The following TMEM132B variants were observed in gnomAD, a reference collection of about 807,000 sequenced individuals.
TMEM132B encodes transmembrane protein 132B.
A neutral mutation model predicts 90.8 loss-of-function variants in TMEM132B; 18 were observed. The ratio of observed to expected loss-of-function variants is 0.20; its 90% confidence interval spans 0.14 to 0.29. The LOEUF is 0.29. TMEM132B is among the 10% of genes least tolerant of loss of function. The pLI, the probability that TMEM132B is intolerant of heterozygous loss-of-function variation, is 1.00. For missense variants in TMEM132B, 1,096 were observed against 1,326.8 expected, an observed-to-expected ratio of 0.83 and a Z score of 2.70; for synonymous variants, 504 against 523.3, an observed-to-expected ratio of 0.96 and a Z score of 0.50.
At chr12:125,347,903 G>A (rs1877413655) in intron 1 of TMEM132B, among the ~76,000 whole-genome samples, 1 of 152,180 alleles carries the variant, frequency 6.6e-6, no homozygotes, top group Non-Finnish European at 1.5e-5. Context: ...TTATGTATAT[G>A]TGCTGTGTGT....
chr12:125,192,570 C>T lies in TMEM132B; in HGVS notation c.67+5704C>T, dbSNP rs148444626. Among the ~76,000 whole-genome samples, 1,136 of 152,274 alleles carry T rather than the reference C, an allele frequency of 7.5e-3. 18 individuals are homozygous for T. The highest frequency in any genetic ancestry group is 0.026 in the African/African-American group (1,063 of 41,538). ...ATAGCACACTGCAGCCTCAGACTCCCGGGCTGAAGACATTCTCTTGCCTTG... is the reference window on the plus strand; with the variant it reads ...ATAGCACACTGCAGCCTCAGACTCCTGGGCTGAAGACATTCTCTTGCCTTG... On this transcript the variant is annotated intron_variant, in intron 1 of 8. Coordinates refer to ENST00000682704, the MANE Select transcript of TMEM132B (RefSeq NM_001366854.1).
intron 4 of TMEM132B, among the ~76,000 whole-genome samples, chr12:125,530,978 C>T (rs1883629839): frequency 6.6e-6 from 1 of 152,174 alleles, no homozygotes; most frequent in African/African-American, 2.4e-5. Context: ...AGATCCGGGG[C>T]AGCCCAGTCA....
chr12:125,618,771 G>A (rs1886050096), intron 5 of TMEM132B, among the ~76,000 whole-genome samples: 1 of 151,982 alleles, frequency 6.6e-6, no homozygotes, highest in African/African-American at 2.4e-5. Flanking sequence ...TCCAAAGTCA[G>A]CACTTCAGAA....
At chr12:125,432,136 T>C (rs1161824423) in intron 3 of TMEM132B, among the ~76,000 whole-genome samples, 2 of 151,700 alleles carry the variant, frequency 1.3e-5, no homozygotes, top group African/African-American at 4.8e-5. Flanking sequence ...GTTTGGGGAA[T>C]TACTCTTGCG....
chr12:125,308,604 G>A (rs576055627), intron 1 of TMEM132B, among the ~76,000 whole-genome samples: 1 of 152,148 alleles, frequency 6.6e-6, no homozygotes, highest in South Asian at 2.1e-4. Flanking sequence ...CTACTAGCAG[G>A]ATGTGAAAAA....
intron 2 of TMEM132B, among the ~76,000 whole-genome samples, chr12:125,375,268 T>C (rs1878438671): frequency 1.3e-5 from 2 of 152,184 alleles, no homozygotes; most frequent in African/African-American, 4.8e-5. Context: ...ATGGACTCAT[T>C]TGAATATGCA....
intron 5 of TMEM132B, among the ~76,000 whole-genome samples, chr12:125,607,619 TAA>T (rs1052188798): frequency 5.3e-5 from 8 of 152,204 alleles, no homozygotes; most frequent in African/African-American, 7.2e-5. Context: ...AATTAGCATA[TAA>T]AATATGGACT....
chr12:125,607,372 G>A (rs1191090874), intron 5 of TMEM132B, among the ~76,000 whole-genome samples: 3 of 152,198 alleles, frequency 2.0e-5, no homozygotes, highest in Non-Finnish European at 4.4e-5. Flanking sequence ...ACAGAAAATG[G>A]AACGAGGTAT....
intron 2 of TMEM132B, among the ~76,000 whole-genome samples, chr12:125,361,360 C>T (rs1002135870): frequency 2.0e-5 from 3 of 152,138 alleles, no homozygotes; most frequent in Admixed American, 6.5e-5. Context: ...TAACCCAGAT[C>T]GGCCCACTTC....
intron 1 of TMEM132B, among the ~76,000 whole-genome samples, chr12:125,295,000 G>A (rs1286174327): frequency 1.3e-5 from 2 of 152,152 alleles, no homozygotes; most frequent in African/African-American, 4.8e-5. Context: ...TGGTAGGATT[G>A]TGTATGTGTG....
At chr12:125,420,463 T>C (rs539814324) in intron 3 of TMEM132B, among the ~76,000 whole-genome samples, 1 of 152,314 alleles carries the variant, frequency 6.6e-6, no homozygotes, top group African/African-American at 2.4e-5. Flanking sequence ...CGTTTAGTCA[T>C]GGCTAGAGTG....
At chr12:125,327,436 G>T (rs1876618377) in intron 1 of TMEM132B, 1 of 152,294 alleles carries the variant, frequency 6.6e-6, no homozygotes, top group South Asian at 2.1e-4. Context: ...ATAGCTAATT[G>T]ATGTCCAAGT....
At chr12:125,436,256 C>G (rs1368712439) in intron 3 of TMEM132B, among the ~76,000 whole-genome samples, 1 of 152,172 alleles carries the variant, frequency 6.6e-6, no homozygotes, top group African/African-American at 2.4e-5. Context: ...CCACAGGTGT[C>G]TTGGGATGGC....
intron 6 of TMEM132B, among the ~76,000 whole-genome samples, chr12:125,650,210 A>G (rs1474291962): frequency 1.3e-5 from 2 of 152,012 alleles, no homozygotes; most frequent in African/African-American, 4.8e-5. Context: ...CTTGGTCCTC[A>G]TGTGGTACTA....
At chr12:125,591,457 C>T (rs1173701276) in intron 5 of TMEM132B, among the ~76,000 whole-genome samples, 2 of 152,144 alleles carry the variant, frequency 1.3e-5, no homozygotes, top group Non-Finnish European at 2.9e-5. Context: ...GACCCTGCTG[C>T]CTCCCTCTTA....
At chr12:125,371,803 T>C (rs1157546297) in intron 2 of TMEM132B, among the ~76,000 whole-genome samples, 3 of 152,218 alleles carry the variant, frequency 2.0e-5, no homozygotes, top group Non-Finnish European at 4.4e-5. Context: ...AGCTGCACTT[T>C]GTGATCTTTT....
In TMEM132B at chr12:125,658,282, C is replaced by T. The variant is rs1039391038; in HGVS notation, c.*3572C>T. ...AACTTGCTAACTTTTAGAATGTCCACCTTTGTGCATTTTGGTAGCATTCTT... is the reference window on the plus strand; with the variant it reads ...AACTTGCTAACTTTTAGAATGTCCATCTTTGTGCATTTTGGTAGCATTCTT... On this transcript the variant is annotated 3_prime_UTR_variant, in exon 9 of 9. Transcript: ENST00000682704. The T allele has an allele frequency of 5.9e-5, 9 of 152,236 alleles. No homozygotes were observed. The highest frequency in any genetic ancestry group is 1.0e-4 in the Non-Finnish European group (7 of 68,036). The allele number at this position is 152,236 out of a possible 1,614,324, so 9.4% of individuals were successfully genotyped here.
At position 125,475,647 on chromosome 12, in the gene TMEM132B, C is replaced by G. The variant is rs149674882; in HGVS notation, c.1107-43792C>G. On this transcript the variant is annotated intron_variant, in intron 3 of 8. Coordinates refer to ENST00000682704, the MANE Select transcript of TMEM132B (RefSeq NM_001366854.1). ...GCCCTTGAACATCGGACTCCAAGTT[C>G]TTCAGCTTTGGGACTCATACTGGCT... is the stretch of plus-strand genomic sequence containing the variant. Among the ~76,000 whole-genome samples, 49 of 152,342 alleles carry G rather than the reference C, an allele frequency of 3.2e-4. No homozygotes were observed. In the East Asian group the frequency reaches 8.3e-3, roughly 26 times the overall value.
rs531208717 is a variant in TMEM132B at position 125,592,631 on chromosome 12, A to G, written c.1437+8637A>G. Among the ~76,000 whole-genome samples, 6 of 152,296 alleles carry G rather than the reference A, an allele frequency of 3.9e-5. No individual in the cohort carries two copies. In the East Asian group the frequency reaches 1.2e-3, roughly 29 times the overall value. On this transcript the variant is annotated intron_variant, in intron 5 of 8. Coordinates refer to ENST00000682704, the MANE Select transcript of TMEM132B (RefSeq NM_001366854.1). Reference sequence around the variant, plus strand: ...GATGGAAAACATCAGCAGTCTGGAAAACATCAGCATCTTCCAGAGAGTGGC... The same window carrying G: ...GATGGAAAACATCAGCAGTCTGGAAGACATCAGCATCTTCCAGAGAGTGGC...
Sources: gnomAD v4.1 joint callset for allele counts (sites outside exome capture counted in the v4.1 genomes callset) on GRCh38, gnomAD v4.1.1 for gene constraint, MANE v1.5 for transcripts, NCBI Gene and HGNC (gene_info 2026-07-23, HGNC 2026-07-21) for gene names.